Variants in GPR155 observed in about 807,000 individuals in gnomAD.
The protein encoded by GPR155 is lysosomal cholesterol signaling protein.
In GPR155, 65 loss-of-function variants were observed where a neutral mutation model predicts 93.1. The observed-to-expected ratio is 0.70, with a 90% CI of 0.57 to 0.86. GPR155 has a LOEUF of 0.86. Ranked by LOEUF, GPR155 falls within the 40% of genes least tolerant of loss-of-function variation. GPR155 has a pLI of 0.00. For missense variants in GPR155, 838 were observed against 1,034.8 expected, an observed-to-expected ratio of 0.81 and a Z score of 2.61; for synonymous variants, 319 against 360.1, an observed-to-expected ratio of 0.89 and a Z score of 1.29.
At chr2:174,477,714 G>T (rs756000675) in intron 2 of GPR155, among the ~76,000 whole-genome samples, 4 of 151,896 alleles carry the variant, frequency 2.6e-5, no homozygotes, top group South Asian at 4.1e-4. Flanking sequence ...AAAGCAGTAC[G>T]GTATAGTATA....
At chr2:174,485,635 T>C (rs558102235) in intron 1 of GPR155, among the ~76,000 whole-genome samples, 12 of 150,778 alleles carry the variant, frequency 8.0e-5, no homozygotes, top group Non-Finnish European at 1.5e-4. Flanking sequence ...CCCCTCCCCA[T>C]GAGGTTTCTT....
At chr2:174,464,104 G>T (rs1340478901) in intron 7 of GPR155, among the ~76,000 whole-genome samples, 1 of 152,124 alleles carries the variant, frequency 6.6e-6, no homozygotes, top group Non-Finnish European at 1.5e-5. Context: ...AATCCAGCTA[G>T]CCCTGGATGT....
rs542290237 is a variant in GPR155, at chr2:174,453,488, G to A, written c.1876+249C>T. ...ATCCTGGCTAACACAGTGAAACTCC[G>A]TCTCTACTAAAAATACAAAAAATTA... On this transcript the variant is annotated intron_variant, in intron 11 of 15. Transcript: ENST00000392552. 2.8e-4 allele frequency among the ~76,000 whole-genome samples: 43 copies of A among 151,840 alleles called. 1 individual carries two copies. In the South Asian group the frequency reaches 6.4e-3, roughly 23 times the overall value.
At chr2:174,464,901 G>A (rs1687796022) in intron 7 of GPR155, among the ~76,000 whole-genome samples, 1 of 152,002 alleles carries the variant, frequency 6.6e-6, no homozygotes, top group South Asian at 2.1e-4. Context: ...ACCTGCTTTT[G>A]ATCCTGAAGG....
chr2:174,453,490 C>T (rs147415236), intron 11 of GPR155, among the ~76,000 whole-genome samples: 1 of 151,714 alleles, frequency 6.6e-6, no homozygotes, highest in African/African-American at 2.4e-5. Context: ...GAAACTCCGT[C>T]TCTACTAAAA....
chr2:174,464,888 G>A (rs1400686175), intron 7 of GPR155, among the ~76,000 whole-genome samples: 1 of 152,002 alleles, frequency 6.6e-6, no homozygotes, highest in Non-Finnish European at 1.5e-5. Context: ...TGACTGAGAT[G>A]GGACCTGCTT....
intron 11 of GPR155, among the ~76,000 whole-genome samples, chr2:174,450,870 G>T (rs1687297734): frequency 6.6e-6 from 1 of 152,086 alleles, no homozygotes; most frequent in Non-Finnish European, 1.5e-5. Flanking sequence ...GATGGCATGG[G>T]GGAAGGTTCA....
chr2:174,465,243 A>G (rs1244847887), intron 7 of GPR155, among the ~76,000 whole-genome samples: 1 of 152,136 alleles, frequency 6.6e-6, no homozygotes, highest in East Asian at 1.9e-4. Flanking sequence ...CTATTTAATA[A>G]CTAACATAGT....
intron 5 of GPR155, among the ~76,000 whole-genome samples, chr2:174,467,623 T>C (rs1687877266): frequency 6.6e-6 from 1 of 152,200 alleles, no homozygotes; most frequent in Admixed American, 6.5e-5. Flanking sequence ...AATGCACTAT[T>C]CTAAGTTTTT....
At position 174,433,722 on chromosome 2, in the gene GPR155, A is replaced by G. The variant is rs1011542908; in HGVS notation, c.*2394T>C. Reference sequence around the variant, plus strand: ...GGGACACAGCAAGAAGGTACCATCTATGAGCCAGAAATTTGCCTTACCAGA... The same window carrying G: ...GGGACACAGCAAGAAGGTACCATCTGTGAGCCAGAAATTTGCCTTACCAGA... On this transcript the variant is annotated 3_prime_UTR_variant, in exon 16 of 16. Coordinates refer to ENST00000392552, the MANE Select transcript of GPR155 (RefSeq NM_152529.7). The G allele has an allele frequency of 1.3e-5, 2 of 152,186 alleles. No individual in the cohort carries two copies. Among genetic ancestry groups the G allele is most frequent in the African/African-American group, 2.4e-5 (1 of 41,422 alleles). The allele number at this position is 152,186 out of a possible 1,614,324, so 9.4% of individuals were successfully genotyped here.
intron 2 of GPR155, among the ~76,000 whole-genome samples, chr2:174,477,673 A>C (rs1306797644): frequency 6.6e-6 from 1 of 152,200 alleles, no homozygotes; most frequent in Non-Finnish European, 1.5e-5. Context: ...CAATCTGAAG[A>C]TGGTTTTTAA....
intron 3 of GPR155, among the ~76,000 whole-genome samples, chr2:174,472,575 T>C (rs759380528): frequency 4.6e-5 from 7 of 152,212 alleles, no homozygotes; most frequent in Non-Finnish European, 8.8e-5. Flanking sequence ...TGAAAAAAAG[T>C]TTGCATTAGA....
chr2:174,439,419 A>G (rs893979958), intron 15 of GPR155, among the ~76,000 whole-genome samples: 3 of 152,196 alleles, frequency 2.0e-5, no homozygotes, highest in Non-Finnish European at 4.4e-5. Context: ...AATAAATATT[A>G]TGTCACAGAC....
chr2:174,453,334 A>G (rs773437963), intron 11 of GPR155, among the ~76,000 whole-genome samples: 7 of 152,180 alleles, frequency 4.6e-5, no homozygotes, highest in African/African-American at 1.2e-4. Context: ...TTCTATAGAT[A>G]TTCTATGTAG....
At chr2:174,484,299 A>C (rs907369188) in intron 1 of GPR155, among the ~76,000 whole-genome samples, 5 of 152,238 alleles carry the variant, frequency 3.3e-5, no homozygotes, top group African/African-American at 9.6e-5. Flanking sequence ...TGAAGTAAGG[A>C]GCTGGTAAAC....
At chr2:174,461,324 A>T in intron 9 of GPR155, 78 bp downstream of exon 9, 2 of 821,460 alleles carry the variant, frequency 2.4e-6, no homozygotes, top group Non-Finnish European at 4.1e-6. Context: ...AGTTAATTTT[A>T]ATATAAGTCT....
At chr2:174,475,463 T>C (rs1408852378) in intron 2 of GPR155, among the ~76,000 whole-genome samples, 3 of 151,944 alleles carry the variant, frequency 2.0e-5, no homozygotes, top group Non-Finnish European at 4.4e-5. Context: ...ATGTAACCTT[T>C]AGAAGGTCAC....
At chr2:174,463,248 G>A (rs1377923979) in intron 7 of GPR155, among the ~76,000 whole-genome samples, 4 of 151,194 alleles carry the variant, frequency 2.6e-5, no homozygotes, top group African/African-American at 9.7e-5. Context: ...GTCTCACTTT[G>A]TTAACCAGGT....
intron 14 of GPR155, 49 bp from the exon 15 acceptor site, chr2:174,440,084 G>C (rs1686910654): frequency 2.0e-6 from 3 of 1,530,378 alleles, no homozygotes; most frequent in Non-Finnish European, 2.7e-6. Context: ...AGCACTGAGA[G>C]AGAACTCTTC....
Sources: allele counts gnomAD v4.1 joint callset (sites outside exome capture counted in the v4.1 genomes callset), GRCh38; gene constraint gnomAD v4.1.1; transcripts MANE v1.5; gene names NCBI Gene and HGNC (gene_info 2026-07-23, HGNC 2026-07-21).